PANK2: variants seen among roughly 807,000 people sequenced by gnomAD.
The protein encoded by PANK2 is pantothenate kinase 2.
In PANK2, 36 loss-of-function variants were observed where a neutral mutation model predicts 43.1. The ratio of observed to expected loss-of-function variants is 0.84; its 90% CI spans 0.64 to 1.10. The LOEUF is 1.10. Among genes scored for constraint, PANK2 ranks in the 50% least tolerant of loss-of-function variants. PANK2 has a pLI of 0.00. For synonymous variants in PANK2, 281 were observed against 238.2 expected (o/e 1.18, Z -1.66); for missense variants, 576 against 593.3 (o/e 0.97, Z 0.30).
chr20:3,901,492 C>T (rs753021201), intron 1 of PANK2: 4 of 485,750 alleles, frequency 8.2e-6, no homozygotes, highest in Non-Finnish European at 1.1e-5. Flanking sequence ...ACTATCACTT[C>T]TATATTCTTG....
Position 3,908,041 on chromosome 20 carries a change from T to TC in PANK2, c.415dup (p.Arg139ProfsTer43). The TC allele has an allele frequency of 6.2e-7, 1 of 1,614,084 alleles. No individual in the cohort carries two copies. The highest frequency in any genetic ancestry group is 8.5e-7 in the Non-Finnish European group (1 of 1,179,988). On this transcript the variant is annotated frameshift_variant, in exon 2 of 7. Transcript: ENST00000610179. LOFTEE classifies it high-confidence loss of function. ...AAGAAGTGGAAAGTCTTAAAAGCATTCGGAAGTACCTGACCTCCAATGTGG... is the reference window on the plus strand; with the variant it reads ...AAGAAGTGGAAAGTCTTAAAAGCATTCCGGAAGTACCTGACCTCCAATGTGG...
rs1024274304 is a variant in PANK2, at chr20:3,898,326, A to G, written c.298+8598A>G. On this transcript the variant is annotated intron_variant, in intron 1 of 6. Coordinates refer to ENST00000610179, the MANE Select transcript of PANK2 (RefSeq NM_001386393.1). Reference sequence around the variant, plus strand: ...GCAATTCTCCTGCCTCAGCCTCCTGATTATCTGGGATTACAGGCGCCCACC... The same window carrying G: ...GCAATTCTCCTGCCTCAGCCTCCTGGTTATCTGGGATTACAGGCGCCCACC... Among the ~76,000 whole-genome samples the G allele has an allele frequency of 2.0e-5, 3 of 151,916 alleles. 1 individual carries two copies. Among genetic ancestry groups the G allele is most frequent in the Admixed American group, 1.3e-4 (2 of 15,166 alleles).
At position 3,889,516 on chromosome 20, in the gene PANK2, C is replaced by T. The variant is rs1049402028; in HGVS notation, c.86C>T (p.Ala29Val). Residue 29 changes from alanine (A) to valine (V), a missense_variant, in exon 1 of 7, where the codon GCT (alanine) becomes GTT (valine). Coordinates refer to ENST00000610179, the MANE Select transcript of PANK2 (RefSeq NM_001386393.1). ...GCGCCCATGGAGCGCCACGGCAGGG[C>T]TTCCGCCACCTCCGTCTCGTCGGCT... 4 of 1,440,892 alleles carry T rather than the reference C, an allele frequency of 2.8e-6. No individual in the cohort carries two copies. Among genetic ancestry groups the T allele is most frequent in the Non-Finnish European group, 3.6e-6 (4 of 1,107,966 alleles). 89.3% of individuals were successfully genotyped at this position (1,440,892 alleles called of 1,614,324 possible). A position where few individuals can be genotyped will look rare whatever the true frequency, so the allele number is the denominator to read the frequency against.
chr20:3,915,275 A>G (rs2090539914), intron 4 of PANK2, among the ~76,000 whole-genome samples: 1 of 151,944 alleles, frequency 6.6e-6, no homozygotes, highest in South Asian at 2.1e-4. Flanking sequence ...TAGCTCATAT[A>G]TATATATGTG....
At chr20:3,907,575 C>A (rs71647833) in intron 1 of PANK2, among the ~76,000 whole-genome samples, 1 of 151,706 alleles carries the variant, frequency 6.6e-6, no homozygotes, top group Non-Finnish European at 1.5e-5. Context: ...TTTTTTAAGC[C>A]GATAGGAAAG....
chr20:3,915,585 C>T (rs975138280), intron 4 of PANK2, among the ~76,000 whole-genome samples: 33 of 152,196 alleles, frequency 2.2e-4, no homozygotes, highest in Non-Finnish European at 1.8e-4. Flanking sequence ...CGTGAGCCAC[C>T]ACGCCCGCCA....
At position 3,924,292 on chromosome 20, in the gene PANK2, G is replaced by C. The variant is rs2090689963; in HGVS notation, c.*998G>C. On this transcript the variant is annotated 3_prime_UTR_variant, in exon 7 of 7. Coordinates refer to ENST00000610179, the MANE Select transcript of PANK2 (RefSeq NM_001386393.1). ...GAGAGAATGCACCTTTTATATCTGA[G>C]GTCTTAAGTGGTGCCCATATTGCTG... 6.6e-6 allele frequency: 1 copy of C among 152,272 alleles called. No homozygotes were observed. The highest frequency in any genetic ancestry group is 1.5e-5 in the Non-Finnish European group (1 of 68,070). The allele number at this position is 152,272 out of a possible 1,614,324, so 9.4% of individuals were successfully genotyped here. A position where few individuals can be genotyped will look rare whatever the true frequency, so the allele number is the denominator to read the frequency against.
intron 1 of PANK2, among the ~76,000 whole-genome samples, chr20:3,890,437 C>T (rs1415942547): frequency 6.6e-6 from 1 of 152,180 alleles, no homozygotes; most frequent in East Asian, 1.9e-4. Context: ...CCAGAGAATC[C>T]GTTTCCCCAT....
In PANK2 at chr20:3,907,914, T is replaced by C. The variant is rs866244622; in HGVS notation, c.299-12T>C. 28 of 1,612,168 alleles carry C rather than the reference T, an allele frequency of 1.7e-5. No individual in the cohort carries two copies. In the Middle Eastern group the frequency reaches 2.0e-3, roughly 114 times the overall value. ...AAAAAGCTGTTCTGACTTATTTTTC[T>C]TCCCCATTTAGTTTTTCCATGGTTT... is the stretch of plus-strand genomic sequence containing the variant. On this transcript the variant is annotated splice_polypyrimidine_tract_variant and intron_variant, in intron 1 of 6. Coordinates refer to ENST00000610179, the MANE Select transcript of PANK2 (RefSeq NM_001386393.1).
At chr20:3,916,510 T>G (rs1222257319) in intron 4 of PANK2, among the ~76,000 whole-genome samples, 1 of 152,190 alleles carries the variant, frequency 6.6e-6, no homozygotes, top group East Asian at 1.9e-4. Flanking sequence ...TGTCTGTGCT[T>G]TACTCTGCTC....
At chr20:3,895,484 G>T (rs1214739700) in intron 1 of PANK2, among the ~76,000 whole-genome samples, 2 of 132,946 alleles carry the variant, frequency 1.5e-5, no homozygotes, top group Non-Finnish European at 3.1e-5. Context: ...CCCTGTCTCC[G>T]TTTTTTTTTT....
chr20:3,889,210 C>A (rs762634373), upstream of PANK2: 1 of 1,612,792 alleles, frequency 6.2e-7, no homozygotes, highest in East Asian at 2.2e-5. Flanking sequence ...ATCCCCTCCT[C>A]CACCACCCTC....
intron 1 of PANK2, among the ~76,000 whole-genome samples, chr20:3,902,841 A>G (rs577922458): frequency 1.3e-5 from 2 of 151,806 alleles, no homozygotes; most frequent in Non-Finnish European, 2.9e-5. Context: ...GCTGTTAAAT[A>G]TATCTGTCAA....
At chr20:3,919,422 G>GT (rs779772529) in intron 6 of PANK2, among the ~76,000 whole-genome samples, 1 of 151,868 alleles carries the variant, frequency 6.6e-6, no homozygotes, top group Non-Finnish European at 1.5e-5. Flanking sequence ...CTGGGTTCTG[G>GT]TTTTTTCATT....
intron 4 of PANK2, 39 bp downstream of exon 4, chr20:3,912,673 C>T (rs375843641): frequency 2.0e-4 from 326 of 1,609,094 alleles, no homozygotes; most frequent in Non-Finnish European, 2.4e-4. Flanking sequence ...ACAGGCGGGC[C>T]GGGCGCGGTG....
At chr20:3,920,642 C>G (rs551364297) in intron 6 of PANK2, among the ~76,000 whole-genome samples, 142 of 152,256 alleles carry the variant, frequency 9.3e-4, no homozygotes, top group African/African-American at 3.3e-3. Flanking sequence ...GTCAGGAGTT[C>G]AAGACCAGCC....
In PANK2 at chr20:3,899,064, C is replaced by T. The variant is rs539460884; in HGVS notation, c.299-8862C>T. The stretch of plus-strand genomic sequence containing the variant: ...TAATTTTTTATATTTTTAGTAGAGA[C>T]GGGGTTTCACCATCTTGGCCAGGCT... On this transcript the variant is annotated intron_variant, in intron 1 of 6. Transcript: ENST00000610179. Among the ~76,000 whole-genome samples the T allele has an allele frequency of 2.7e-4, 41 of 151,660 alleles. 1 individual carries two copies. The highest frequency in any genetic ancestry group is 5.0e-4 in the Non-Finnish European group (34 of 67,962).
chr20:3,903,382 A>G lies in PANK2; in HGVS notation c.299-4544A>G, dbSNP rs374923050. On this transcript the variant is annotated intron_variant, in intron 1 of 6. Coordinates refer to ENST00000610179, the MANE Select transcript of PANK2 (RefSeq NM_001386393.1). ...AGTCTGGTCTTGAATTCCTGACCTCAGGTGATCCGCCCGCCTTAGCCTCCC... is the reference window on the plus strand; with the variant it reads ...AGTCTGGTCTTGAATTCCTGACCTCGGGTGATCCGCCCGCCTTAGCCTCCC... 9.9e-5 allele frequency among the ~76,000 whole-genome samples: 15 copies of G among 150,810 alleles called. No homozygotes were observed. The East Asian group carries it at 2.7e-3, about 27-fold the overall frequency.
chr20:3,915,353 C>T (rs2090541877), intron 4 of PANK2, among the ~76,000 whole-genome samples: 1 of 151,890 alleles, frequency 6.6e-6, no homozygotes, highest in African/African-American at 2.4e-5. Context: ...GGCTGGAGTG[C>T]AGTGGTGCGA....
Sources: gnomAD v4.1 joint callset for allele counts (sites outside exome capture counted in the v4.1 genomes callset) on GRCh38, gnomAD v4.1.1 for gene constraint, MANE v1.5 for transcripts, NCBI Gene and HGNC (gene_info 2026-07-23, HGNC 2026-07-21) for gene names.